Variants in MLIP observed in about 807,000 individuals in gnomAD.
The protein encoded by MLIP is muscular LMNA-interacting protein.
MLIP carries 79 observed loss-of-function variants against 84.8 expected under a neutral mutation model. The ratio of observed to expected loss-of-function variants is 0.93; its 90% CI spans 0.78 to 1.12. MLIP has a LOEUF of 1.12. MLIP is among the 50% of genes most tolerant of loss of function. The probability of loss-of-function intolerance (pLI) is 0.00; values close to 1 mark genes in which losing one functional copy is unlikely to be tolerated. For missense variants in MLIP, 1,257 were observed against 1,160.6 expected, an observed-to-expected ratio of 1.08 and a Z score of -1.21; for synonymous variants, 504 against 463.0, an observed-to-expected ratio of 1.09 and a Z score of -1.14.
intron 11 of MLIP, among the ~76,000 whole-genome samples, chr6:54,213,256 A>G (rs1369393184): frequency 1.3e-5 from 2 of 152,262 alleles, no homozygotes; most frequent in Non-Finnish European, 2.9e-5. Context: ...TAAGACAATA[A>G]TAGATTCAAA....
intron 13 of MLIP, among the ~76,000 whole-genome samples, chr6:54,260,081 TAA>T (rs1783282421): frequency 6.6e-6 from 1 of 151,952 alleles, no homozygotes; most frequent in Admixed American, 6.6e-5. Flanking sequence ...TTTCATTTCC[TAA>T]AGACATTAGT....
At chr6:54,253,875 A>G (rs1173396657) in intron 12 of MLIP, among the ~76,000 whole-genome samples, 2 of 152,114 alleles carry the variant, frequency 1.3e-5, no homozygotes, top group African/African-American at 4.8e-5. Context: ...TGGATTTTCT[A>G]TCCAGGATGA....
chr6:54,217,519 TTGTC>T (rs1779934062), intron 11 of MLIP: 1 of 985,356 alleles, frequency 1.0e-6, no homozygotes, highest in Non-Finnish European at 1.2e-6. Flanking sequence ...CACTGCATAT[TTGTC>T]TGCTAATTTT....
chr6:54,136,365 A>G (rs1771796065), intron 3 of MLIP, among the ~76,000 whole-genome samples: 1 of 152,178 alleles, frequency 6.6e-6, no homozygotes, highest in Non-Finnish European at 1.5e-5. Flanking sequence ...GAAATTTGCA[A>G]TTTATACTGA....
intron 12 of MLIP, among the ~76,000 whole-genome samples, chr6:54,242,113 A>G (rs1781775931): frequency 6.6e-6 from 1 of 152,208 alleles, no homozygotes; most frequent in Non-Finnish European, 1.5e-5. Context: ...GTGAGTTTTC[A>G]TGGCGGTCTG....
intron 1 of MLIP, among the ~76,000 whole-genome samples, chr6:54,052,665 C>T (rs1193883843): frequency 1.3e-5 from 2 of 152,074 alleles, no homozygotes; most frequent in Non-Finnish European, 2.9e-5. Flanking sequence ...CAAGAATGCT[C>T]TTCTTTCACT....
intron 12 of MLIP, among the ~76,000 whole-genome samples, chr6:54,233,548 T>A (rs1397351394): frequency 2.0e-5 from 3 of 152,372 alleles, no homozygotes; most frequent in African/African-American, 7.2e-5. Context: ...ATGGTGTATA[T>A]GTGCCACATT....
At chr6:54,220,922 TACAC>T (rs143689632) in intron 11 of MLIP, among the ~76,000 whole-genome samples, 2 of 150,500 alleles carry the variant, frequency 1.3e-5, no homozygotes, top group Non-Finnish European at 1.5e-5. Flanking sequence ...AAAGGAGATA[TACAC>T]ACACACACAC....
In MLIP at chr6:54,184,755, C is replaced by CT; in HGVS notation, c.2545-5108dup. Among the ~76,000 whole-genome samples the CT allele has an allele frequency of 2.0e-5, 3 of 151,684 alleles. 1 individual carries two copies. The highest frequency in any genetic ancestry group is 4.2e-4 in the South Asian group (2 of 4,818). ...ACTGCTCTATTAGTTTTTTAAGTTT[C>CT]TTTTTTTGAAGGATGCAGTAATGGC... On this transcript the variant is annotated intron_variant, in intron 9 of 13. Transcript: ENST00000502396.
rs118145249 is a variant in MLIP at position 54,081,725 on chromosome 6, T to C, written c.64-39722T>C. ...ACCGCGCCCGGCCAGGGTCCATATG[T>C]TTTTATGAGAAAATGTTAAGACACT... On this transcript the variant is annotated intron_variant, in intron 1 of 12. Coordinates refer to the MLIP transcript ENST00000274897. 5.9e-5 allele frequency among the ~76,000 whole-genome samples: 9 copies of C among 152,216 alleles called. No individual in the cohort carries two copies. In the East Asian group the frequency reaches 1.5e-3, roughly 26 times the overall value.
At chr6:54,096,384 G>A (rs1481737903) in intron 1 of MLIP, among the ~76,000 whole-genome samples, 1 of 152,164 alleles carries the variant, frequency 6.6e-6, no homozygotes, top group Admixed American at 6.5e-5. Context: ...ACAGAAATGT[G>A]GTGCCCAGAT....
intron 12 of MLIP, among the ~76,000 whole-genome samples, chr6:54,242,118 G>A (rs373675730): frequency 3.2e-4 from 49 of 152,190 alleles, no homozygotes; most frequent in Non-Finnish European, 1.5e-4. Context: ...TTTTCATGGC[G>A]GTCTGATGTT....
intron 1 of MLIP, among the ~76,000 whole-genome samples, chr6:54,118,484 A>G (rs1582187023): frequency 6.6e-6 from 1 of 152,348 alleles, no homozygotes; most frequent in East Asian, 1.9e-4. Context: ...ATGCAGAAGA[A>G]TGAAACTGGA....
intron 11 of MLIP, among the ~76,000 whole-genome samples, chr6:54,204,854 T>C (rs1778929041): frequency 6.6e-6 from 1 of 152,238 alleles, no homozygotes; most frequent in African/African-American, 2.4e-5. Context: ...TAATCTTATC[T>C]ATATTTTCTT....
At chr6:54,081,492 C>G (rs1229410523) in intron 1 of MLIP, among the ~76,000 whole-genome samples, 3 of 152,160 alleles carry the variant, frequency 2.0e-5, no homozygotes, top group Non-Finnish European at 4.4e-5. Context: ...ACTGCAACCT[C>G]CGCCTCCCAG....
chr6:54,174,006 G>A (rs1238054555), intron 9 of MLIP, among the ~76,000 whole-genome samples: 1 of 151,678 alleles, frequency 6.6e-6, no homozygotes, highest in Admixed American at 6.6e-5. Flanking sequence ...TTCTGTGCCT[G>A]GCTTATTTCA....
At chr6:54,180,103 T>C (rs1259697573) in intron 9 of MLIP, among the ~76,000 whole-genome samples, 3 of 152,102 alleles carry the variant, frequency 2.0e-5, no homozygotes, top group African/African-American at 7.2e-5. Flanking sequence ...TTGTTGTTGT[T>C]TGTTTGTTTT....
chr6:54,024,025 A>G (rs1354840737), intron 1 of MLIP, among the ~76,000 whole-genome samples: 1 of 151,272 alleles, frequency 6.6e-6, no homozygotes, highest in Non-Finnish European at 1.5e-5. Context: ...TTATTTATTT[A>G]TTTTGAATTC....
chr6:54,229,440 T>G (rs1780825183), intron 11 of MLIP, among the ~76,000 whole-genome samples: 1 of 152,210 alleles, frequency 6.6e-6, no homozygotes, highest in Non-Finnish European at 1.5e-5. Context: ...TGTGCCATAG[T>G]GGTTTGCTGC....
Sources: allele counts gnomAD v4.1 joint callset (sites outside exome capture counted in the v4.1 genomes callset), GRCh38; gene constraint gnomAD v4.1.1; transcripts MANE v1.5; gene names NCBI Gene and HGNC (gene_info 2026-07-23, HGNC 2026-07-21).